C13orf42: variants seen among roughly 807,000 people sequenced by gnomAD.
C13orf42 encodes the protein uncharacterized protein C13orf42.
upstream of C13orf42, among the ~76,000 whole-genome samples, chr13:51,111,860 C>T (rs1434650634): frequency 1.5e-5 from 2 of 135,882 alleles, no homozygotes; most frequent in East Asian, 4.3e-4. Context: ...GGCATCTGAG[C>T]GTCCTGGAAG....
chr13:51,114,744 A>G (rs1311904982), upstream of C13orf42, among the ~76,000 whole-genome samples: 1 of 152,198 alleles, frequency 6.6e-6, no homozygotes, highest in African/African-American at 2.4e-5. Context: ...TTGTTTCCGT[A>G]TCTTGGCTAT....
chr13:51,129,069 C>T (rs1953596166), intron 1 of C13orf42, among the ~76,000 whole-genome samples: 1 of 152,162 alleles, frequency 6.6e-6, no homozygotes, highest in African/African-American at 2.4e-5. Flanking sequence ...ATGCCTAGAA[C>T]TACTCTCTTA....
chr13:51,156,931 A>G (rs951708594), intron 1 of C13orf42, among the ~76,000 whole-genome samples: 1 of 152,226 alleles, frequency 6.6e-6, no homozygotes, highest in Non-Finnish European at 1.5e-5. Context: ...AGCTTCTCGT[A>G]TTACATATCT....
At chr13:51,104,406 A>G (rs1953326731) in intron 1 of C13orf42, among the ~76,000 whole-genome samples, 1 of 152,180 alleles carries the variant, frequency 6.6e-6, no homozygotes, top group African/African-American at 2.4e-5. Flanking sequence ...CATTTAGTAC[A>G]TGGAGCGTGG....
rs188079813 is a variant in C13orf42 at position 51,171,162 on chromosome 13, G to C, written n.136+1091C>G. On this transcript the variant is annotated intron_variant and non_coding_transcript_variant, in intron 1 of 4. Coordinates refer to the C13orf42 transcript ENST00000433280. Reference sequence around the variant, plus strand: ...CTCCATTCCTCCTTCTCCTCCCTTAGCCTGTGTTCTCAAAAACTTAAAACC... The same window carrying C: ...CTCCATTCCTCCTTCTCCTCCCTTACCCTGTGTTCTCAAAAACTTAAAACC... 9.9e-5 allele frequency among the ~76,000 whole-genome samples: 15 copies of C among 151,972 alleles called. 1 individual carries two copies. In the South Asian group the frequency reaches 2.7e-3, roughly 27 times the overall value.
intron 1 of C13orf42, among the ~76,000 whole-genome samples, chr13:51,151,375 G>GAAAA (rs67940203): frequency 6.7e-6 from 1 of 148,696 alleles, no homozygotes; most frequent in Admixed American, 6.7e-5. Context: ...GCTGGAAAAG[G>GAAAA]AAAAAAAAAA....
At chr13:51,126,620 G>A (rs1953579404) in intron 1 of C13orf42, among the ~76,000 whole-genome samples, 1 of 152,180 alleles carries the variant, frequency 6.6e-6, no homozygotes, top group Non-Finnish European at 1.5e-5. Context: ...TAGGCAAAAA[G>A]GAAGCCCCTC....
upstream of C13orf42, among the ~76,000 whole-genome samples, chr13:51,112,425 A>C (rs978576870): frequency 1.3e-5 from 2 of 152,180 alleles, no homozygotes; most frequent in Non-Finnish European, 2.9e-5. Context: ...GAGGTCTCTG[A>C]TGCAAATAAA....
intron 1 of C13orf42, among the ~76,000 whole-genome samples, chr13:51,142,989 T>G (rs1025256036): frequency 1.3e-5 from 2 of 152,186 alleles, no homozygotes; most frequent in African/African-American, 4.8e-5. Context: ...GTCATATTGT[T>G]ATTAAGTTTT....
At chr13:51,145,603 A>C (rs939093609) in intron 1 of C13orf42, among the ~76,000 whole-genome samples, 11 of 152,228 alleles carry the variant, frequency 7.2e-5, no homozygotes, top group African/African-American at 2.2e-4. Context: ...AGAAAACTCA[A>C]GCTGGGAACT....
upstream of C13orf42, among the ~76,000 whole-genome samples, chr13:51,114,090 C>G (rs536760438): frequency 4.9e-4 from 75 of 152,350 alleles, no homozygotes; most frequent in African/African-American, 1.7e-3. Context: ...TGTAGCAGTG[C>G]TGGGCTGGGG....
intron 1 of C13orf42, among the ~76,000 whole-genome samples, chr13:51,107,873 A>C (rs980531913): frequency 6.6e-6 from 1 of 152,186 alleles, no homozygotes; most frequent in East Asian, 1.9e-4. Flanking sequence ...TGTTCAGACC[A>C]ATGCCGGAGA....
At chr13:51,094,117 T>G (rs1187801271) in intron 1 of C13orf42, among the ~76,000 whole-genome samples, 1 of 152,222 alleles carries the variant, frequency 6.6e-6, no homozygotes, top group Non-Finnish European at 1.5e-5. Flanking sequence ...ACAATCCTGG[T>G]ATCTTTGAGA....
chr13:51,090,199 T>C (rs1953167926), intron 1 of C13orf42, among the ~76,000 whole-genome samples: 1 of 152,200 alleles, frequency 6.6e-6, no homozygotes, highest in Admixed American at 6.5e-5. Context: ...CTCTTGCTGC[T>C]TCCTTTGCCT....
At position 51,156,385 on chromosome 13, in the gene C13orf42, A is replaced by G. The variant is rs544741993; in HGVS notation, n.136+15868T>C. 2.0e-5 allele frequency among the ~76,000 whole-genome samples: 3 copies of G among 152,358 alleles called. No individual in the cohort carries two copies. The South Asian group carries it at 6.2e-4, about 32-fold the overall frequency. On this transcript the variant is annotated intron_variant and non_coding_transcript_variant, in intron 1 of 4. Coordinates refer to the C13orf42 transcript ENST00000433280. ...AAGTGTTTTACACAGATTAACTCAAATAACTCTGTGATACATAGCTGCCAC... is the reference window on the plus strand; with the variant it reads ...AAGTGTTTTACACAGATTAACTCAAGTAACTCTGTGATACATAGCTGCCAC...
chr13:51,095,539 T>G (rs1166586263), intron 1 of C13orf42, among the ~76,000 whole-genome samples: 1 of 151,012 alleles, frequency 6.6e-6, no homozygotes, highest in African/African-American at 2.4e-5. Context: ...CTTATTTGGT[T>G]TTTTTTTTAA....
chr13:51,094,871 T>C (rs1051731110), intron 1 of C13orf42, among the ~76,000 whole-genome samples: 1 of 151,988 alleles, frequency 6.6e-6, no homozygotes, highest in African/African-American at 2.4e-5. Flanking sequence ...ATAATTCCCA[T>C]GTGTTATGGG....
intron 1 of C13orf42, among the ~76,000 whole-genome samples, chr13:51,158,305 G>A (rs1465861782): frequency 6.6e-6 from 1 of 152,204 alleles, no homozygotes; most frequent in Non-Finnish European, 1.5e-5. Context: ...AATGAACAGA[G>A]GCAGGTTCCT....
At chr13:51,133,793 C>T (rs1196712342) in intron 1 of C13orf42, among the ~76,000 whole-genome samples, 5 of 152,226 alleles carry the variant, frequency 3.3e-5, no homozygotes, top group Non-Finnish European at 7.4e-5. Flanking sequence ...CACCGTGTGT[C>T]CAAGAGAAAA....
Sources: gnomAD v4.1 joint callset for allele counts (sites outside exome capture counted in the v4.1 genomes callset) on GRCh38, gnomAD v4.1.1 for gene constraint, MANE v1.5 for transcripts, NCBI Gene and HGNC (gene_info 2026-07-23, HGNC 2026-07-21) for gene names.